The following CAP2 variants were observed in gnomAD, a reference collection of about 807,000 sequenced individuals.
CAP2 encodes cyclase associated actin cytoskeleton regulatory protein 2.
A neutral mutation model predicts 57.7 loss-of-function variants in CAP2; 24 were observed. The ratio of observed to expected loss-of-function variants is 0.42; its 90% CI spans 0.30 to 0.58. The LOEUF (loss-of-function observed/expected upper bound fraction) is 0.58, where lower values mean the gene tolerates loss of function less well. Ranked by LOEUF, CAP2 falls within the 20% of genes least tolerant of loss-of-function variation. The pLI, the probability that CAP2 is intolerant of heterozygous loss-of-function variation, is 0.22. For synonymous variants in CAP2, 194 were observed against 207.2 expected (o/e 0.94, Z 0.55); for missense variants, 501 against 590.3 (o/e 0.85, Z 1.57).
chr6:17,529,354 C>T, intron 7 of CAP2, among the ~76,000 whole-genome samples: 1 of 151,788 alleles, frequency 6.6e-6, no homozygotes, highest in Admixed American at 6.6e-5. Flanking sequence ...AATATAAACA[C>T]ACTCTGTCTG....
At chr6:17,532,018 G>C (rs766007695) in intron 7 of CAP2, among the ~76,000 whole-genome samples, 14 of 151,098 alleles carry the variant, frequency 9.3e-5, no homozygotes, top group Non-Finnish European at 2.1e-4. Context: ...GTAAATGTTT[G>C]TTTAGTAGAC....
intron 2 of CAP2, among the ~76,000 whole-genome samples, chr6:17,426,136 TTGAG>T (rs1286056561): frequency 6.6e-6 from 1 of 151,646 alleles, no homozygotes; most frequent in African/African-American, 2.4e-5. Flanking sequence ...AACACATTGA[TTGAG>T]TGAAGGAATG....
chr6:17,523,585 G>A (rs1229937743), intron 7 of CAP2, among the ~76,000 whole-genome samples: 1 of 152,118 alleles, frequency 6.6e-6, no homozygotes, highest in Non-Finnish European at 1.5e-5. Flanking sequence ...TCAAGAATGG[G>A]GTAAACTAAT....
chr6:17,548,540 G>A (rs942757866), intron 11 of CAP2, among the ~76,000 whole-genome samples: 1 of 152,122 alleles, frequency 6.6e-6, no homozygotes, highest in African/African-American at 2.4e-5. Context: ...TAAATGGACA[G>A]GAAGACATCA....
intron 1 of CAP2, among the ~76,000 whole-genome samples, chr6:17,395,626 C>A (rs12111226): frequency 0.11 from 17,368 of 152,152 alleles, 3,318 homozygotes; most frequent in African/African-American, 0.39. Context: ...AAGTTAAATA[C>A]CCTCCAGAAA....
In CAP2 at chr6:17,524,273, C is replaced by G. The variant is rs1762452153; in HGVS notation, c.636+10319C>G. ...ATAGGTGAAAAATAGTCAAATATCT[C>G]CAATTTCACACACAGTCATTAAGAG... is the stretch of plus-strand genomic sequence containing the variant. On this transcript the variant is annotated intron_variant, in intron 7 of 12. Transcript: ENST00000229922. Among the ~76,000 whole-genome samples, 4 of 152,080 alleles carry G rather than the reference C, an allele frequency of 2.6e-5. No individual in the cohort carries two copies. The South Asian group carries it at 8.3e-4, about 32-fold the overall frequency.
At chr6:17,472,649 G>A (rs1194462707) in intron 4 of CAP2, among the ~76,000 whole-genome samples, 1 of 152,152 alleles carries the variant, frequency 6.6e-6, no homozygotes, top group Non-Finnish European at 1.5e-5. Context: ...TTACATGGTG[G>A]CTAGCATGTG....
intron 1 of CAP2, among the ~76,000 whole-genome samples, chr6:17,404,091 A>G (rs1000580581): frequency 2.6e-5 from 4 of 152,250 alleles, no homozygotes; most frequent in Admixed American, 2.6e-4. Context: ...TTTCTAGCTC[A>G]GTATTGGTAA....
rs541504280 is a variant in CAP2 at position 17,399,027 on chromosome 6, T to G, written c.-2+5281T>G. On this transcript the variant is annotated intron_variant, in intron 1 of 12. Coordinates refer to ENST00000229922, the MANE Select transcript of CAP2 (RefSeq NM_006366.3). ...TTTCTGTCCCTGAATGTGCCTATTC[T>G]AAGTACCTTATACAATATTTGTCCT... Among the ~76,000 whole-genome samples the G allele has an allele frequency of 1.2e-3, 186 of 152,314 alleles. 1 individual carries two copies. The highest frequency in any genetic ancestry group is 2.1e-3 in the Non-Finnish European group (145 of 68,022).
chr6:17,472,515 T>G (rs992022614), intron 4 of CAP2, among the ~76,000 whole-genome samples: 3 of 152,218 alleles, frequency 2.0e-5, no homozygotes, highest in African/African-American at 7.2e-5. Flanking sequence ...ATTCTGATAC[T>G]TACAAGATTG....
chr6:17,504,803 T>A, intron 4 of CAP2, among the ~76,000 whole-genome samples: 1 of 152,228 alleles, frequency 6.6e-6, no homozygotes, highest in East Asian at 1.9e-4. Context: ...GAATGCCCTC[T>A]GATATTTTCT....
intron 2 of CAP2, among the ~76,000 whole-genome samples, chr6:17,425,400 A>G (rs774959555): frequency 2.6e-5 from 4 of 152,162 alleles, no homozygotes; most frequent in East Asian, 1.9e-4. Flanking sequence ...CATTCCCACT[A>G]TGGTTGTCCC....
intron 6 of CAP2, among the ~76,000 whole-genome samples, chr6:17,510,189 T>A (rs1296232234): frequency 6.6e-6 from 1 of 151,848 alleles, no homozygotes; most frequent in Non-Finnish European, 1.5e-5. Context: ...GGGTGTAGGG[T>A]TTCTTTTGGG....
At chr6:17,446,432 A>G (rs1245362069) in intron 3 of CAP2, among the ~76,000 whole-genome samples, 3 of 152,208 alleles carry the variant, frequency 2.0e-5, no homozygotes, top group Non-Finnish European at 4.4e-5. Flanking sequence ...GGTGCTTAGC[A>G]ACCATTATTG....
At chr6:17,487,509 G>A (rs564436427) in intron 4 of CAP2, among the ~76,000 whole-genome samples, 30 of 151,892 alleles carry the variant, frequency 2.0e-4, no homozygotes, top group African/African-American at 4.6e-4. Context: ...TGCTCTTGTC[G>A]CCCAAGCTGG....
intron 4 of CAP2, among the ~76,000 whole-genome samples, chr6:17,506,201 C>G (rs562831360): frequency 2.0e-5 from 3 of 152,294 alleles, no homozygotes; most frequent in African/African-American, 7.2e-5. Flanking sequence ...GCCCAGCCAG[C>G]TCATCTAATT....
intron 7 of CAP2, among the ~76,000 whole-genome samples, chr6:17,529,252 A>G (rs1762580421): frequency 6.6e-6 from 1 of 152,192 alleles, no homozygotes; most frequent in Non-Finnish European, 1.5e-5. Flanking sequence ...TTATTATGGA[A>G]ATTAACAAAT....
At chr6:17,436,098 C>CTTCT (rs1759879935) in intron 3 of CAP2, among the ~76,000 whole-genome samples, 1 of 148,422 alleles carries the variant, frequency 6.7e-6, no homozygotes. Flanking sequence ...TCCTTCCTTC[C>CTTCT]TTCCTTCCTT....
intron 4 of CAP2, among the ~76,000 whole-genome samples, chr6:17,501,964 G>T (rs1342703906): frequency 6.6e-6 from 1 of 152,156 alleles, no homozygotes; most frequent in Non-Finnish European, 1.5e-5. Context: ...CAGGGAGCAG[G>T]TTCAGCTCAT....
Sources: gnomAD v4.1 joint callset for allele counts (sites outside exome capture counted in the v4.1 genomes callset) on GRCh38, gnomAD v4.1.1 for gene constraint, MANE v1.5 for transcripts, NCBI Gene and HGNC (gene_info 2026-07-23, HGNC 2026-07-21) for gene names.